CTNNA3: variants seen among roughly 807,000 people sequenced by gnomAD.
The protein encoded by CTNNA3 is catenin alpha 3.
Under a neutral mutation model 95.7 loss-of-function variants are expected in CTNNA3, and 76 were observed. The ratio of observed to expected loss-of-function variants is 0.79; its 90% CI spans 0.66 to 0.96. The LOEUF (loss-of-function observed/expected upper bound fraction) is 0.96. Ranked by LOEUF, CTNNA3 falls within the 40% of genes least tolerant of loss-of-function variation. The probability of loss-of-function intolerance (pLI) is 0.00; values close to 1 mark genes in which losing one functional copy is unlikely to be tolerated. For missense variants in CTNNA3, 1,191 were observed against 1,089.8 expected, an observed-to-expected ratio of 1.09 and a Z score of -1.31; for synonymous variants, 431 against 374.4, an observed-to-expected ratio of 1.15 and a Z score of -1.74.
chr10:66,355,693 C>T (rs10997075), intron 12 of CTNNA3, among the ~76,000 whole-genome samples: 79,801 of 151,706 alleles, frequency 0.53, 22,820 homozygotes, highest in Non-Finnish European at 0.64. Context: ...TTTAACAGTG[C>T]CTTTCACAGA....
chr10:66,146,344 G>A (rs1158970346), intron 13 of CTNNA3, among the ~76,000 whole-genome samples: 1 of 152,150 alleles, frequency 6.6e-6, no homozygotes, highest in Non-Finnish European at 1.5e-5. Flanking sequence ...ACCTGCCTCA[G>A]TAGAATATGA....
intron 1 of CTNNA3, among the ~76,000 whole-genome samples, chr10:67,671,510 TC>T (rs1179941679): frequency 7.2e-6 from 1 of 138,312 alleles, no homozygotes; most frequent in Non-Finnish European, 1.5e-5. Context: ...CCCTCCCCGC[TC>T]CCCCCACCCC....
chr10:66,799,823 TTATTCTAA>T (rs1841361201), intron 7 of CTNNA3, among the ~76,000 whole-genome samples: 1 of 151,306 alleles, frequency 6.6e-6, no homozygotes, highest in Non-Finnish European at 1.5e-5. Flanking sequence ...TCTAGTGCAA[TTATTCTAA>T]AGCAGTGATA....
intron 7 of CTNNA3, among the ~76,000 whole-genome samples, chr10:66,908,596 A>T (rs1310933575): frequency 6.6e-6 from 1 of 152,126 alleles, no homozygotes; most frequent in Non-Finnish European, 1.5e-5. Flanking sequence ...TGTGTCAACC[A>T]TCTCTATCGA....
At chr10:65,954,892 C>T (rs530448200) in intron 17 of CTNNA3, among the ~76,000 whole-genome samples, 1 of 152,190 alleles carries the variant, frequency 6.6e-6, no homozygotes, top group South Asian at 2.1e-4. Flanking sequence ...TCCATATGAG[C>T]TTTAAAGTAT....
intron 14 of CTNNA3, among the ~76,000 whole-genome samples, chr10:66,082,235 A>G (rs1350358017): frequency 1.3e-5 from 2 of 152,134 alleles, no homozygotes; most frequent in East Asian, 3.8e-4. Context: ...ACCAAATGAC[A>G]AAAACCAACA....
chr10:66,961,844 T>C (rs555631038), intron 7 of CTNNA3, among the ~76,000 whole-genome samples: 1 of 152,192 alleles, frequency 6.6e-6, no homozygotes, highest in South Asian at 2.1e-4. Context: ...ACTAAACCTA[T>C]TCCTCCTCTA....
chr10:66,330,303 A>C (rs1156649153), intron 12 of CTNNA3, among the ~76,000 whole-genome samples: 1 of 148,320 alleles, frequency 6.7e-6, no homozygotes, highest in Non-Finnish European at 1.5e-5. Context: ...CCTACCTATG[A>C]GTGAGAACAT....
intron 5 of CTNNA3, among the ~76,000 whole-genome samples, chr10:67,461,634 A>T (rs983650721): frequency 2.6e-5 from 4 of 151,970 alleles, no homozygotes; most frequent in African/African-American, 9.7e-5. Context: ...TTATTTCAAA[A>T]TTTTGCCAAA....
intron 5 of CTNNA3, among the ~76,000 whole-genome samples, chr10:67,295,565 A>G (rs993110981): frequency 3.3e-5 from 5 of 152,206 alleles, no homozygotes; most frequent in Admixed American, 6.5e-5. Flanking sequence ...ATAGGCCATA[A>G]TGCAGCTATT....
intron 5 of CTNNA3, among the ~76,000 whole-genome samples, chr10:67,457,433 G>C (rs1040400217): frequency 1.3e-5 from 2 of 152,112 alleles, no homozygotes; most frequent in Non-Finnish European, 2.9e-5. Flanking sequence ...TGAATCCTCT[G>C]CCTTTAATTA....
intron 3 of CTNNA3, among the ~76,000 whole-genome samples, chr10:67,566,043 G>A (rs28876702): frequency 0.23 from 6,010 of 26,220 alleles, 1,046 homozygotes; most frequent in East Asian, 0.36. Context: ...ATGTGTGTGT[G>A]TATATATATA....
At chr10:67,129,738 T>G (rs1473451309) in intron 7 of CTNNA3, among the ~76,000 whole-genome samples, 8 of 152,146 alleles carry the variant, frequency 5.3e-5, no homozygotes, top group Non-Finnish European at 1.2e-4. Flanking sequence ...AAGTGAAGTC[T>G]TTCAGTATTT....
rs764418455 is a variant in CTNNA3, at chr10:66,593,628, G to A, written c.1374+28064C>T. On this transcript the variant is annotated intron_variant, in intron 10 of 17. Coordinates refer to ENST00000433211, the MANE Select transcript of CTNNA3 (RefSeq NM_013266.4). ...AGAAATTTAATTAGCATACAGAGCC[G>A]TAATTGCCAAAGTCACATTGAATCA... Among the ~76,000 whole-genome samples, 67 of 152,178 alleles carry A rather than the reference G, an allele frequency of 4.4e-4. 2 individuals carry two copies. The highest frequency in any genetic ancestry group is 8.5e-4 in the Admixed American group (13 of 15,278).
At chr10:66,624,897 A>T (rs553690743) in intron 9 of CTNNA3, among the ~76,000 whole-genome samples, 2 of 152,272 alleles carry the variant, frequency 1.3e-5, no homozygotes, top group South Asian at 4.2e-4. Flanking sequence ...CATTGAAATG[A>T]TTGACCAGAC....
At chr10:66,286,902 T>C (rs967899109) in intron 12 of CTNNA3, among the ~76,000 whole-genome samples, 1 of 152,114 alleles carries the variant, frequency 6.6e-6, no homozygotes, top group Non-Finnish European at 1.5e-5. Context: ...ATTCAGATTA[T>C]TGTTTATTTA....
At chr10:67,126,979 C>A (rs1178591472) in intron 7 of CTNNA3, among the ~76,000 whole-genome samples, 1 of 152,178 alleles carries the variant, frequency 6.6e-6, no homozygotes, top group Non-Finnish European at 1.5e-5. Context: ...TAACAGAATT[C>A]TTCACTGAAT....
At chr10:67,078,603 G>A (rs1269718802) in intron 7 of CTNNA3, among the ~76,000 whole-genome samples, 1 of 151,800 alleles carries the variant, frequency 6.6e-6, no homozygotes, top group Non-Finnish European at 1.5e-5. Context: ...TGCAACCTCC[G>A]CCCCCTGGGT....
chr10:67,642,710 C>G (rs1839577789), intron 2 of CTNNA3, among the ~76,000 whole-genome samples: 1 of 145,904 alleles, frequency 6.9e-6, no homozygotes, highest in African/African-American at 2.7e-5. Context: ...GAGCAAGACT[C>G]TGTCTCAAAA....
Sources: allele counts gnomAD v4.1 joint callset (sites outside exome capture counted in the v4.1 genomes callset), GRCh38; gene constraint gnomAD v4.1.1; transcripts MANE v1.5; gene names NCBI Gene and HGNC (gene_info 2026-07-23, HGNC 2026-07-21).